The following RNF220 variants were observed in gnomAD, a reference collection of about 807,000 sequenced individuals.
RNF220 encodes E3 ubiquitin-protein ligase RNF220.
Under a neutral mutation model 67.1 loss-of-function variants are expected in RNF220, and 7 were observed. The ratio of observed to expected loss-of-function variants is 0.10; its 90% CI spans 0.06 to 0.20. The LOEUF (loss-of-function observed/expected upper bound fraction) is 0.20, where lower values mean the gene tolerates loss of function less well. RNF220 is among the 10% of genes least tolerant of loss of function. The pLI is 1.00. For synonymous variants in RNF220, 270 were observed against 283.2 expected, an observed-to-expected ratio of 0.95 and a Z score of 0.47; for missense variants, 565 against 740.3, an observed-to-expected ratio of 0.76 and a Z score of 2.75.
chr1:44,521,685 C>T (rs989153065), intron 2 of RNF220, among the ~76,000 whole-genome samples: 29 of 152,132 alleles, frequency 1.9e-4, no homozygotes, highest in African/African-American at 6.0e-4. Context: ...CCACATGGAT[C>T]GCTCGTACAG....
chr1:44,464,264 C>G (rs1014717142), intron 2 of RNF220, among the ~76,000 whole-genome samples: 3 of 152,182 alleles, frequency 2.0e-5, no homozygotes, highest in African/African-American at 7.2e-5. Context: ...TCAGATGGGC[C>G]TGACTCTAAG....
chr1:44,469,144 T>G (rs2147985507), intron 2 of RNF220, among the ~76,000 whole-genome samples: 1 of 152,274 alleles, frequency 6.6e-6, no homozygotes, highest in East Asian at 1.9e-4. Flanking sequence ...GCCTAATTTA[T>G]ATATTATTAA....
At chr1:44,508,288 G>A (rs567275714) in intron 2 of RNF220, among the ~76,000 whole-genome samples, 37 of 152,214 alleles carry the variant, frequency 2.4e-4, no homozygotes, top group Middle Eastern at 6.8e-3. Flanking sequence ...GGTCCCATCT[G>A]TGTAGAGAGA....
At chr1:44,517,436 A>G (rs953886345) in intron 2 of RNF220, among the ~76,000 whole-genome samples, 1 of 152,170 alleles carries the variant, frequency 6.6e-6, no homozygotes, top group Non-Finnish European at 1.5e-5. Flanking sequence ...GTCCCAGTCT[A>G]TAAAAGATTT....
intron 2 of RNF220, among the ~76,000 whole-genome samples, chr1:44,502,674 T>A (rs890803075): frequency 6.6e-6 from 1 of 152,172 alleles, no homozygotes; most frequent in African/African-American, 2.4e-5. Context: ...ATATCACACA[T>A]GCCACACAAT....
At chr1:44,416,621 G>A (rs1372651774) in intron 2 of RNF220, among the ~76,000 whole-genome samples, 1 of 152,218 alleles carries the variant, frequency 6.6e-6, no homozygotes, top group African/African-American at 2.4e-5. Flanking sequence ...GCTCACCACA[G>A]GGCTGAGAGG....
intron 2 of RNF220, among the ~76,000 whole-genome samples, chr1:44,496,502 G>T (rs1392915485): frequency 6.6e-6 from 1 of 152,214 alleles, no homozygotes; most frequent in Non-Finnish European, 1.5e-5. Flanking sequence ...GAAAAAAGGG[G>T]AAGACTTAAA....
intron 2 of RNF220, among the ~76,000 whole-genome samples, chr1:44,451,178 G>A (rs771301161): frequency 6.8e-5 from 10 of 146,014 alleles, no homozygotes; most frequent in South Asian, 2.2e-4. Context: ...GTGAGACTCC[G>A]TCTCAAAAAG....
chr1:44,627,548 C>T (rs1643993435), intron 5 of RNF220, among the ~76,000 whole-genome samples: 1 of 152,044 alleles, frequency 6.6e-6, no homozygotes, highest in East Asian at 1.9e-4. Flanking sequence ...TATAAACGGA[C>T]CTTCTCTGGA....
chr1:44,575,526 A>G (rs1664742592), intron 2 of RNF220, among the ~76,000 whole-genome samples: 3 of 151,888 alleles, frequency 2.0e-5, no homozygotes, highest in Admixed American at 1.3e-4. Context: ...AGACATACAA[A>G]TGGCCAACAG....
Position 44,645,747 on chromosome 1 carries a change from T to C in RNF220, c.1445+259T>C, listed in dbSNP as rs2148509587. Among the ~76,000 whole-genome samples the C allele has an allele frequency of 6.6e-6, 1 of 152,374 alleles. No homozygotes were observed. Among genetic ancestry groups the C allele is most frequent in the African/African-American group, 2.4e-5 (1 of 41,594 alleles). On this transcript the variant is annotated intron_variant, in intron 12 of 14. Coordinates refer to ENST00000361799, the MANE Select transcript of RNF220 (RefSeq NM_018150.4). This position sits in a 1 kb window ranked among gnomAD's most constrained non-coding sequence, Gnocchi z 5.0. ...CCTGCCTGCCTGCCTGCCCGCCTGC[T>C]GCGGCGGCCTTCGCCCGGGGAATGT...
Position 44,569,228 on chromosome 1 carries a change from C to A in RNF220, c.626-44937C>A, listed in dbSNP as rs186297318. Among the ~76,000 whole-genome samples the A allele has an allele frequency of 7.0e-3, 1,072 of 152,176 alleles. 7 individuals are homozygous for A. Among genetic ancestry groups the A allele is most frequent in the Non-Finnish European group, 0.011 (766 of 68,006 alleles). Reference sequence around the variant, plus strand: ...CTAGCCTCTCTCCCCGCCCCACTATCCCCAAAAATTATTATAAAGAATTAT... The same window carrying A: ...CTAGCCTCTCTCCCCGCCCCACTATACCCAAAAATTATTATAAAGAATTAT... On this transcript the variant is annotated intron_variant, in intron 2 of 14. Coordinates refer to ENST00000361799, the MANE Select transcript of RNF220 (RefSeq NM_018150.4).
rs749811461 is a variant in RNF220 at position 44,624,616 on chromosome 1, C to T, written c.805-1681C>T. Among the ~76,000 whole-genome samples, 1 of 151,726 alleles carries T rather than the reference C, an allele frequency of 6.6e-6. No individual in the cohort carries two copies. Among genetic ancestry groups the T allele is most frequent in the Non-Finnish European group, 1.5e-5 (1 of 67,980 alleles). The stretch of plus-strand genomic sequence containing the variant: ...TGACCTAGGCTTTAGGGAAGCAGGT[C>T]GTGAGTGGAAGAGGCGAGAGAGAGA... On this transcript the variant is annotated intron_variant, in intron 4 of 14. Coordinates refer to ENST00000361799, the MANE Select transcript of RNF220 (RefSeq NM_018150.4). This position sits in a 1 kb window ranked among gnomAD's most constrained non-coding sequence, Gnocchi z 4.2.
chr1:44,415,282 T>C (rs1227008680), intron 2 of RNF220, among the ~76,000 whole-genome samples: 1 of 151,548 alleles, frequency 6.6e-6, no homozygotes, highest in African/African-American at 2.4e-5. Context: ...GCCTTTCAGG[T>C]CCTCCCTACA....
At position 44,448,407 on chromosome 1, in the gene RNF220, G is replaced by A. The variant is rs187192943; in HGVS notation, c.625+35685G>A. 3.8e-3 allele frequency among the ~76,000 whole-genome samples: 585 copies of A among 152,344 alleles called. 3 individuals carry two copies. Among genetic ancestry groups the A allele is most frequent in the African/African-American group, 0.014 (568 of 41,588 alleles). ...CTGACAGGATTGAGTTTCTGGACTA[G>A]CAAGGCTGAGGGCCAGACTCTGGTC... On this transcript the variant is annotated intron_variant, in intron 2 of 14. Transcript: ENST00000361799.
chr1:44,445,545 A>G lies in RNF220; in HGVS notation c.625+32823A>G, dbSNP rs181518353. 1.1e-4 allele frequency among the ~76,000 whole-genome samples: 16 copies of G among 150,504 alleles called. No individual in the cohort carries two copies. In the East Asian group the frequency reaches 3.1e-3, roughly 29 times the overall value. ...CTTCTTTACTGTAACCCCCATCTCT[A>G]CCAATGCTTGTTGCTCCTTAAACAC... On this transcript the variant is annotated intron_variant, in intron 2 of 14. Transcript: ENST00000361799.
intron 2 of RNF220, among the ~76,000 whole-genome samples, chr1:44,563,432 T>G (rs79729067): frequency 0.038 from 5,713 of 152,296 alleles, 279 homozygotes; most frequent in East Asian, 0.13. Flanking sequence ...TTGGCCCTGA[T>G]GGTACCTGTT....
At chr1:44,631,669 C>A in intron 5 of RNF220, 1 of 155,696 alleles carries the variant, frequency 6.4e-6, no homozygotes, top group Non-Finnish European at 1.4e-5. Context: ...AAGCACCCAA[C>A]GCGATGCCTC....
At chr1:44,632,437 C>T (rs1289868937) in intron 6 of RNF220, 52 bp downstream of exon 6, 3 of 1,511,352 alleles carry the variant, frequency 2.0e-6, no homozygotes, top group Non-Finnish European at 1.8e-6. Context: ...TCCTCCCTCC[C>T]TCCCTCACTG....
Sources: allele counts gnomAD v4.1 joint callset (sites outside exome capture counted in the v4.1 genomes callset), GRCh38; gene constraint gnomAD v4.1.1; non-coding constraint Gnocchi (gnomAD v3.1); transcripts MANE v1.5; gene names NCBI Gene and HGNC (gene_info 2026-07-23, HGNC 2026-07-21).